The following LRRC7 variants were observed in gnomAD, a reference collection of about 807,000 sequenced individuals.
LRRC7 encodes leucine rich repeat containing 7.
LRRC7 carries 23 observed loss-of-function variants against 175.7 expected under a neutral mutation model. The ratio of observed to expected loss-of-function variants is 0.13; its 90% CI spans 0.09 to 0.19. The LOEUF (loss-of-function observed/expected upper bound fraction) is 0.19. Ranked by LOEUF, LRRC7 falls within the 10% of genes least tolerant of loss-of-function variation. LRRC7 has a pLI of 1.00. For synonymous variants in LRRC7, 685 were observed against 680.9 expected (o/e 1.01, Z -0.09); for missense variants, 1,354 against 1,904.7 (o/e 0.71, Z 5.38).
intron 7 of LRRC7, among the ~76,000 whole-genome samples, chr1:69,850,064 G>T (rs1682804439): frequency 6.6e-6 from 1 of 151,988 alleles, no homozygotes. Context: ...GGTGATTTGG[G>T]GTGGGGGTTG....
At chr1:69,892,635 T>A (rs1340755324) in intron 7 of LRRC7, among the ~76,000 whole-genome samples, 1 of 152,182 alleles carries the variant, frequency 6.6e-6, no homozygotes, top group Admixed American at 6.5e-5. Flanking sequence ...TATTCCATAA[T>A]AATGAGAGGT....
chr1:69,567,969 T>C lies in LRRC7; in HGVS notation c.-671T>C, dbSNP rs1286920552. Reference sequence around the variant, plus strand: ...CGAGCCACTGCACCGAGGAGGACCCTACTCCGGGTGAACACCGGGCTTGAA... The same window carrying C: ...CGAGCCACTGCACCGAGGAGGACCCCACTCCGGGTGAACACCGGGCTTGAA... On this transcript the variant is annotated 5_prime_UTR_variant, in exon 1 of 27. Coordinates refer to ENST00000651989, the MANE Select transcript of LRRC7 (RefSeq NM_001370785.2). Among the ~76,000 whole-genome samples the C allele has an allele frequency of 6.6e-6, 1 of 152,006 alleles. No individual in the cohort carries two copies. The highest frequency in any genetic ancestry group is 2.0e-4 in the East Asian group (1 of 5,086).
intron 2 of LRRC7, among the ~76,000 whole-genome samples, chr1:69,706,162 C>T (rs1463658562): frequency 1.3e-5 from 2 of 152,034 alleles, no homozygotes; most frequent in Non-Finnish European, 1.5e-5. Flanking sequence ...ATCTACACAA[C>T]CTTAGCAAAT....
chr1:69,997,436 T>G (rs1159671443), intron 11 of LRRC7, among the ~76,000 whole-genome samples: 3 of 150,198 alleles, frequency 2.0e-5, no homozygotes, highest in African/African-American at 7.3e-5. Context: ...TCCAACACTA[T>G]GTTGAATAGG....
intron 1 of LRRC7, among the ~76,000 whole-genome samples, chr1:69,649,349 G>A (rs1655447029): frequency 2.0e-5 from 3 of 152,152 alleles, no homozygotes; most frequent in Non-Finnish European, 4.4e-5. Context: ...CAATTTTGAA[G>A]GGAGAGAAAG....
intron 7 of LRRC7, among the ~76,000 whole-genome samples, chr1:69,925,557 ATTTC>A (rs1346073358): frequency 2.0e-5 from 3 of 151,894 alleles, no homozygotes; most frequent in Non-Finnish European, 4.4e-5. Flanking sequence ...GAATTTCTCC[ATTTC>A]TTCTAGATTT....
chr1:69,905,123 C>T (rs1235197281), intron 7 of LRRC7, among the ~76,000 whole-genome samples: 1 of 151,964 alleles, frequency 6.6e-6, no homozygotes. Context: ...CATGTCTTTA[C>T]TTTTGTGAAT....
chr1:69,744,213 G>T (rs1365214712), intron 2 of LRRC7, among the ~76,000 whole-genome samples: 1 of 151,778 alleles, frequency 6.6e-6, no homozygotes, highest in Non-Finnish European at 1.5e-5. Flanking sequence ...ATTTCCAAGT[G>T]CCAATCTTTT....
chr1:70,097,539 C>T (rs1029612798), intron 25 of LRRC7, among the ~76,000 whole-genome samples: 1 of 151,578 alleles, frequency 6.6e-6, no homozygotes, highest in Non-Finnish European at 1.5e-5. Flanking sequence ...TATACATGTG[C>T]CATGCTGGTG....
At chr1:69,893,265 G>A (rs1383291154) in intron 7 of LRRC7, among the ~76,000 whole-genome samples, 2 of 151,978 alleles carry the variant, frequency 1.3e-5, no homozygotes, top group Non-Finnish European at 2.9e-5. Flanking sequence ...TTAAAATCAA[G>A]GTGGTTTCTT....
chr1:69,978,312 G>GGGGAGGGGAGGGAAA (rs1653047609), intron 8 of LRRC7, among the ~76,000 whole-genome samples: 1 of 150,846 alleles, frequency 6.6e-6, no homozygotes, highest in African/African-American at 2.4e-5. Context: ...GGGAAGAGGA[G>GGGGAGGGGAGGGAAA]GGGAGGGGAG....
chr1:69,648,566 C>A (rs1046101317), intron 1 of LRRC7, among the ~76,000 whole-genome samples: 5 of 152,180 alleles, frequency 3.3e-5, no homozygotes, highest in African/African-American at 1.2e-4. Context: ...ACCACAGGGG[C>A]CTTCACTAGC....
At position 70,135,165 on chromosome 1, in the gene LRRC7, G is replaced by C. The variant is rs374307959; in HGVS notation, c.*13278G>C. Reference sequence around the variant, plus strand: ...CTCAGATTTTTGGTATCCACTATTAGCGAAGTATTTTTTTCTTTGTCTTCT... The same window carrying C: ...CTCAGATTTTTGGTATCCACTATTACCGAAGTATTTTTTTCTTTGTCTTCT... On this transcript the variant is annotated 3_prime_UTR_variant, in exon 27 of 27. Coordinates refer to ENST00000651989, the MANE Select transcript of LRRC7 (RefSeq NM_001370785.2). 3.3e-5 allele frequency among the ~76,000 whole-genome samples: 5 copies of C among 151,730 alleles called. No individual in the cohort carries two copies. Among genetic ancestry groups the C allele is most frequent in the Non-Finnish European group, 7.4e-5 (5 of 67,970 alleles).
rs1401053053 is a variant in LRRC7 at position 69,884,595 on chromosome 1, A to G, written c.647+46312A>G. 1.0e-4 allele frequency among the ~76,000 whole-genome samples: 14 copies of G among 138,096 alleles called. 2 individuals carry two copies. The highest frequency in any genetic ancestry group is 1.8e-4 in the Non-Finnish European group (12 of 65,640). The allele number at this position is 138,096 out of a possible 152,430, so 90.6% of individuals were successfully genotyped here. Reference sequence around the variant, plus strand: ...ATTTGACTTCCTCTTTTCCTAATTGAATAGCCTTTATTTCCTTCTCCTGCC... The same window carrying G: ...ATTTGACTTCCTCTTTTCCTAATTGGATAGCCTTTATTTCCTTCTCCTGCC... On this transcript the variant is annotated intron_variant, in intron 7 of 26. Transcript: ENST00000651989.
intron 7 of LRRC7, among the ~76,000 whole-genome samples, chr1:69,927,652 G>T (rs545926813): frequency 4.8e-4 from 73 of 152,288 alleles, no homozygotes; most frequent in South Asian, 1.0e-3. Context: ...TTGGCTTTCA[G>T]CTCCATCAGC....
chr1:70,037,216 G>A (rs1659400692), intron 20 of LRRC7, among the ~76,000 whole-genome samples: 1 of 152,130 alleles, frequency 6.6e-6, no homozygotes, highest in African/African-American at 2.4e-5. Context: ...GTAACTTGTT[G>A]CTATGTTTTA....
chr1:69,848,952 A>G (rs904472657), intron 7 of LRRC7, among the ~76,000 whole-genome samples: 2 of 152,044 alleles, frequency 1.3e-5, no homozygotes, highest in Non-Finnish European at 2.9e-5. Context: ...TTTTCTTACC[A>G]AACTAATTTT....
At chr1:69,840,213 T>G (rs967699016) in intron 7 of LRRC7, among the ~76,000 whole-genome samples, 1 of 152,024 alleles carries the variant, frequency 6.6e-6, no homozygotes, top group Admixed American at 6.6e-5. Flanking sequence ...ACTTTAGTTT[T>G]GGGTCTATAG....
At chr1:69,679,369 T>C (rs751311890) in intron 2 of LRRC7, among the ~76,000 whole-genome samples, 1 of 152,110 alleles carries the variant, frequency 6.6e-6, no homozygotes, top group Non-Finnish European at 1.5e-5. Context: ...TTGGCGTTTT[T>C]AAATTAGTTT....
Sources: allele counts gnomAD v4.1 joint callset (sites outside exome capture counted in the v4.1 genomes callset), GRCh38; gene constraint gnomAD v4.1.1; transcripts MANE v1.5; gene names NCBI Gene and HGNC (gene_info 2026-07-23, HGNC 2026-07-21).